Variants in TSHR observed in about 807,000 individuals in gnomAD.
TSHR encodes thyrotropin receptor.
A neutral mutation model predicts 64.1 loss-of-function variants in TSHR; 51 were observed. The ratio of observed to expected loss-of-function variants is 0.80; its 90% CI spans 0.64 to 1.01. The LOEUF (loss-of-function observed/expected upper bound fraction) is 1.01, where lower values mean the gene tolerates loss of function less well. TSHR is among the 50% of genes least tolerant of loss of function. The probability of loss-of-function intolerance (pLI) is 0.00; values close to 1 mark genes in which losing one functional copy is unlikely to be tolerated. For synonymous variants in TSHR, 361 were observed against 361.9 expected (o/e 1.00, Z 0.03); for missense variants, 877 against 942.8 (o/e 0.93, Z 0.91).
chr14:81,117,028 A>G (rs1890549546), intron 8 of TSHR, among the ~76,000 whole-genome samples: 1 of 128,618 alleles, frequency 7.8e-6, no homozygotes, highest in Non-Finnish European at 1.6e-5. Flanking sequence ...GACGCATTCA[A>G]AGCAGTGTGT....
chr14:81,045,318 G>T (rs1369700480), intron 1 of TSHR, among the ~76,000 whole-genome samples: 1 of 152,194 alleles, frequency 6.6e-6, no homozygotes, highest in Non-Finnish European at 1.5e-5. Flanking sequence ...GGGAAGATTG[G>T]TATTAGTTCT....
intron 1 of TSHR, chr14:80,993,795 CA>C (rs1228472331): frequency 6.6e-6 from 1 of 151,684 alleles, no homozygotes; most frequent in Non-Finnish European, 1.5e-5. Context: ...ATCTACATAT[CA>C]ATCTTAATTT....
At chr14:80,988,784 G>A (rs1009675766) in intron 1 of TSHR, among the ~76,000 whole-genome samples, 3 of 151,936 alleles carry the variant, frequency 2.0e-5, no homozygotes, top group Admixed American at 1.3e-4. Flanking sequence ...GCTGATTGTC[G>A]AACATCTCTG....
intron 1 of TSHR, among the ~76,000 whole-genome samples, chr14:81,017,259 T>A (rs139082728): frequency 6.6e-6 from 1 of 152,278 alleles, no homozygotes; most frequent in African/African-American, 2.4e-5. Flanking sequence ...TGCCTTGCTT[T>A]TGCCCATTTA....
At chr14:81,053,711 A>T (rs1347343995) in intron 1 of TSHR, 1 of 152,170 alleles carries the variant, frequency 6.6e-6, no homozygotes, top group Non-Finnish European at 1.5e-5. Context: ...ATTCCTAGAT[A>T]TTTACCCAAG....
At chr14:81,052,737 G>C (rs917640368) in intron 1 of TSHR, 4 of 152,006 alleles carry the variant, frequency 2.6e-5, no homozygotes, top group African/African-American at 9.7e-5. Context: ...ATAGTTTTCA[G>C]TGTATAGGTT....
intron 8 of TSHR, among the ~76,000 whole-genome samples, chr14:81,125,815 A>T (rs566278513): frequency 2.0e-5 from 3 of 152,074 alleles, no homozygotes; most frequent in Admixed American, 1.3e-4. Flanking sequence ...GACCCATGCC[A>T]AAGGAGCCGA....
chr14:81,080,415 A>G (rs529887415), intron 3 of TSHR, among the ~76,000 whole-genome samples: 8 of 152,268 alleles, frequency 5.3e-5, no homozygotes, highest in African/African-American at 1.4e-4. Flanking sequence ...TTTAGCACCA[A>G]TCCTTAAATA....
chr14:81,012,898 T>A lies in TSHR; in HGVS notation c.171-49250T>A, dbSNP rs979245107. On this transcript the variant is annotated intron_variant, in intron 1 of 9. Coordinates refer to ENST00000298171, the MANE Select transcript of TSHR (RefSeq NM_000369.5). ...TTCTCCCATTTTGTAGGTTGCCTGT[T>A]CACTCTGATGGTAGTTTCTTTTGCT... is the stretch of plus-strand genomic sequence containing the variant. The A allele has an allele frequency of 3.9e-4, 59 of 152,364 alleles. No individual in the cohort carries two copies. In the Middle Eastern group the frequency reaches 0.01, roughly 26 times the overall value. 9.4% of individuals were successfully genotyped at this position (152,364 alleles called of 1,614,324 possible).
At chr14:80,983,770 CT>C in intron 1 of TSHR, 1 of 357,218 alleles carries the variant, frequency 2.8e-6, no homozygotes, top group Non-Finnish European at 5.2e-6. Context: ...ACATAGTTAC[CT>C]GTGACAAGCT....
At chr14:81,092,385 G>C in intron 5 of TSHR, 146 bp from the exon 6 acceptor site, 1 of 775,958 alleles carries the variant, frequency 1.3e-6, no homozygotes, top group Admixed American at 2.0e-5. Context: ...TGAGCCACTA[G>C]CGGTTAAGAA....
At chr14:81,047,497 T>G (rs1885222020) in intron 1 of TSHR, among the ~76,000 whole-genome samples, 1 of 152,162 alleles carries the variant, frequency 6.6e-6, no homozygotes, top group Non-Finnish European at 1.5e-5. Flanking sequence ...TAAAATTCAC[T>G]GACAACACTT....
chr14:80,968,227 G>A (rs572865054), intron 1 of TSHR, among the ~76,000 whole-genome samples: 1 of 152,280 alleles, frequency 6.6e-6, no homozygotes, highest in East Asian at 1.9e-4. Flanking sequence ...GCTAGCATAA[G>A]AGGCAAGCTG....
chr14:81,022,685 G>T (rs1245365363), intron 1 of TSHR, among the ~76,000 whole-genome samples: 1 of 152,042 alleles, frequency 6.6e-6, no homozygotes, highest in African/African-American at 2.4e-5. Context: ...GCCGGGCATG[G>T]TGGCACATAC....
chr14:81,006,857 A>C (rs1335571739), intron 1 of TSHR, among the ~76,000 whole-genome samples: 7 of 152,172 alleles, frequency 4.6e-5, no homozygotes, highest in Non-Finnish European at 5.9e-5. Context: ...GGACTCCAAT[A>C]TATAAATTTG....
intron 1 of TSHR, chr14:81,014,065 C>T (rs904246598): frequency 6.6e-6 from 1 of 152,194 alleles, no homozygotes; most frequent in African/African-American, 2.4e-5. Context: ...CAAATAATCA[C>T]CTCTAAAATA....
chr14:81,108,695 A>G, intron 8 of TSHR: 1 of 1,613,972 alleles, frequency 6.2e-7, no homozygotes, highest in South Asian at 1.1e-5. Context: ...CTGCTAAGGC[A>G]GCCACCTTGG....
At chr14:81,083,802 T>C (rs916961257) in intron 3 of TSHR, among the ~76,000 whole-genome samples, 4 of 152,210 alleles carry the variant, frequency 2.6e-5, no homozygotes, top group African/African-American at 9.6e-5. Flanking sequence ...TGACTCACGG[T>C]TCTGCATGGC....
At chr14:81,022,007 A>G (rs1164216564) in intron 1 of TSHR, among the ~76,000 whole-genome samples, 1 of 151,974 alleles carries the variant, frequency 6.6e-6, no homozygotes, top group African/African-American at 2.4e-5. Flanking sequence ...TCACGCCTGT[A>G]ATCCCAGCAC....
Sources: gnomAD v4.1 joint callset for allele counts (sites outside exome capture counted in the v4.1 genomes callset) on GRCh38, gnomAD v4.1.1 for gene constraint, MANE v1.5 for transcripts, NCBI Gene and HGNC (gene_info 2026-07-23, HGNC 2026-07-21) for gene names.